RNF216: variants seen among roughly 807,000 people sequenced by gnomAD.
The protein encoded by RNF216 is ring finger protein 216.
A neutral mutation model predicts 110.8 loss-of-function variants in RNF216; 72 were observed. The ratio of observed to expected loss-of-function variants is 0.65; its 90% CI spans 0.54 to 0.79. The LOEUF (loss-of-function observed/expected upper bound fraction) is 0.79. Among genes scored for constraint, RNF216 ranks in the 30% least tolerant of loss-of-function variants. The probability of loss-of-function intolerance (pLI) is 0.00; values close to 1 mark genes in which losing one functional copy is unlikely to be tolerated. For missense variants in RNF216, 1,342 were observed against 1,141.2 expected (o/e 1.18, Z -2.54); for synonymous variants, 495 against 407.5 (o/e 1.21, Z -2.59).
Position 5,737,233 on chromosome 7 carries a change from T to C in RNF216, c.1121+2043A>G, listed in dbSNP as rs575986371. On this transcript the variant is annotated intron_variant, in intron 5 of 16. Coordinates refer to ENST00000389902, the MANE Select transcript of RNF216 (RefSeq NM_207111.4). The stretch of plus-strand genomic sequence containing the variant: ...ATCTATTACCTTACCCCCAACCCAG[T>C]GCTCTCTGAAACATGTGCTGTGTCC... Among the ~76,000 whole-genome samples the C allele has an allele frequency of 3.3e-5, 5 of 152,324 alleles. No individual in the cohort carries two copies. The South Asian group carries it at 1.0e-3, about 32-fold the overall frequency.
At chr7:5,745,347 A>T (rs891846483) in intron 3 of RNF216, among the ~76,000 whole-genome samples, 16 of 152,212 alleles carry the variant, frequency 1.1e-4, no homozygotes, top group Admixed American at 9.2e-4. Context: ...TAACTAAAGA[A>T]ATGGTATCTA....
chr7:5,627,292 A>G (rs1584332345), intron 15 of RNF216, among the ~76,000 whole-genome samples: 1 of 152,166 alleles, frequency 6.6e-6, no homozygotes, highest in African/African-American at 2.4e-5. Context: ...CCTGCCCCAT[A>G]CACAGCAGCC....
chr7:5,759,295 C>A (rs1270071973), intron 2 of RNF216, among the ~76,000 whole-genome samples: 1 of 152,116 alleles, frequency 6.6e-6, no homozygotes, highest in African/African-American at 2.4e-5. Context: ...TACAAATTAC[C>A]CAGTCTTGGG....
intron 13 of RNF216, among the ~76,000 whole-genome samples, chr7:5,661,066 A>G (rs1789105162): frequency 2.0e-5 from 3 of 150,016 alleles, no homozygotes; most frequent in South Asian, 2.1e-4. Flanking sequence ...CAGTCTCCCA[A>G]GTAGCTGGAA....
chr7:5,764,230 T>G (rs1397855450), intron 1 of RNF216, among the ~76,000 whole-genome samples: 1 of 145,110 alleles, frequency 6.9e-6, no homozygotes, highest in African/African-American at 2.6e-5. Context: ...AAAAAACAGA[T>G]AAGTATCCAT....
intron 3 of RNF216, among the ~76,000 whole-genome samples, chr7:5,747,764 AAAAAAAAAAAAG>A (rs1434030805): frequency 1.6e-4 from 20 of 126,932 alleles, no homozygotes; most frequent in East Asian, 8.0e-4. Context: ...AAAAAAAAAA[AAAAAAAAAAAAG>A]GGGAAAAAAA....
intron 14 of RNF216, among the ~76,000 whole-genome samples, chr7:5,644,972 G>A (rs1787967741): frequency 6.6e-6 from 1 of 151,834 alleles, no homozygotes; most frequent in South Asian, 2.1e-4. Flanking sequence ...CTACAGGCAC[G>A]TGCCACCACG....
intron 15 of RNF216, among the ~76,000 whole-genome samples, chr7:5,640,692 T>C (rs957552104): frequency 3.3e-5 from 5 of 152,364 alleles, no homozygotes; most frequent in African/African-American, 7.2e-5. Flanking sequence ...TAAACCATCA[T>C]TGCATTTCTA....
intron 13 of RNF216, among the ~76,000 whole-genome samples, chr7:5,676,218 G>T (rs1489223738): frequency 1.3e-5 from 2 of 152,020 alleles, no homozygotes; most frequent in East Asian, 3.9e-4. Flanking sequence ...TGCCATGTTG[G>T]TCAGGCTGAT....
intron 13 of RNF216, among the ~76,000 whole-genome samples, chr7:5,658,473 A>G (rs1257237292): frequency 6.6e-6 from 1 of 152,020 alleles, no homozygotes; most frequent in Admixed American, 6.6e-5. Context: ...CCTGGCAAAC[A>G]TAGTGAGACC....
At chr7:5,740,312 G>C (rs779927911) in intron 4 of RNF216, among the ~76,000 whole-genome samples, 26 of 152,086 alleles carry the variant, frequency 1.7e-4, no homozygotes, top group African/African-American at 3.6e-4. Flanking sequence ...TTTTTTAGTA[G>C]AGACAGGGTT....
At chr7:5,751,915 T>C (rs1339947321) in intron 3 of RNF216, among the ~76,000 whole-genome samples, 1 of 145,176 alleles carries the variant, frequency 6.9e-6, no homozygotes, top group African/African-American at 2.5e-5. Context: ...GGGCCAGGCA[T>C]AGTGGCTCAC....
chr7:5,711,910 C>T (rs1199451680), intron 12 of RNF216, 71 bp from the exon 13 acceptor site: 3 of 1,357,338 alleles, frequency 2.2e-6, no homozygotes, highest in African/African-American at 2.9e-5. Flanking sequence ...CTCCATGTGG[C>T]TGTTCATATG....
chr7:5,780,700 G>T (rs1288354122), intron 1 of RNF216, among the ~76,000 whole-genome samples: 1 of 151,678 alleles, frequency 6.6e-6, no homozygotes, highest in East Asian at 1.9e-4. Context: ...GCAAGACTCC[G>T]TCTCAAAGAA....
At chr7:5,732,387 G>A (rs1036270263) in intron 5 of RNF216, among the ~76,000 whole-genome samples, 1 of 152,126 alleles carries the variant, frequency 6.6e-6, no homozygotes, top group African/African-American at 2.4e-5. Context: ...GTTTTCTCAA[G>A]TAAATGATAC....
At chr7:5,765,851 G>C (rs1406387892) in intron 1 of RNF216, among the ~76,000 whole-genome samples, 1 of 150,944 alleles carries the variant, frequency 6.6e-6, no homozygotes. Context: ...AGCTACTCAG[G>C]AGGCTGAGGC....
At chr7:5,637,464 G>C (rs976284124) in intron 15 of RNF216, among the ~76,000 whole-genome samples, 1 of 152,208 alleles carries the variant, frequency 6.6e-6, no homozygotes, top group African/African-American at 2.4e-5. Flanking sequence ...TTCCGTGATA[G>C]AACATTCCTG....
intron 3 of RNF216, among the ~76,000 whole-genome samples, chr7:5,742,177 G>C (rs1163835169): frequency 6.6e-6 from 1 of 152,116 alleles, no homozygotes; most frequent in Non-Finnish European, 1.5e-5. Context: ...CTCCCAAGTA[G>C]CTGGGATTAC....
intron 5 of RNF216, among the ~76,000 whole-genome samples, chr7:5,735,558 G>A (rs977899640): frequency 6.6e-6 from 1 of 152,138 alleles, no homozygotes; most frequent in Non-Finnish European, 1.5e-5. Flanking sequence ...GTTAAAAGGA[G>A]ATTACACTCT....
Sources: gnomAD v4.1 joint callset for allele counts (sites outside exome capture counted in the v4.1 genomes callset) on GRCh38, gnomAD v4.1.1 for gene constraint, MANE v1.5 for transcripts, NCBI Gene and HGNC (gene_info 2026-07-23, HGNC 2026-07-21) for gene names.